Variants in ERBB4 observed in about 807,000 individuals in gnomAD.
ERBB4 encodes erb-b2 receptor tyrosine kinase 4, also known as receptor tyrosine-protein kinase erbB-4.
ERBB4 carries 42 observed loss-of-function variants against 158.0 expected under a neutral mutation model. That is an observed-to-expected ratio of 0.27 (90% CI 0.21 to 0.34). The LOEUF (loss-of-function observed/expected upper bound fraction) is 0.34, where lower values mean the gene tolerates loss of function less well. Among genes scored for constraint, ERBB4 ranks in the 10% least tolerant of loss-of-function variants. The pLI, the probability that ERBB4 is intolerant of heterozygous loss-of-function variation, is 1.00. For synonymous variants in ERBB4, 583 were observed against 558.7 expected (o/e 1.04, Z -0.61); for missense variants, 1,333 against 1,624.1 (o/e 0.82, Z 3.08).
At chr2:211,704,218 T>C (rs773034437) in intron 10 of ERBB4, 24 bp from the exon 11 acceptor site, 22 of 1,368,490 alleles carry the variant, frequency 1.6e-5, no homozygotes, top group Non-Finnish European at 2.2e-5. Flanking sequence ...GTAGAAAAAA[T>C]AAATCAGAAT....
chr2:211,864,081 AC>A (rs1234825837), intron 3 of ERBB4, among the ~76,000 whole-genome samples: 1 of 152,100 alleles, frequency 6.6e-6, no homozygotes, highest in Non-Finnish European at 1.5e-5. Context: ...AAGCCCCACT[AC>A]CATCTCTAGA....
intron 1 of ERBB4, among the ~76,000 whole-genome samples, chr2:212,301,576 TAA>T: frequency 6.6e-6 from 1 of 151,542 alleles, no homozygotes; most frequent in Admixed American, 6.6e-5. Context: ...CATATCTTGG[TAA>T]ACATGACAAA....
chr2:212,374,507 C>T (rs1036746240), intron 1 of ERBB4, among the ~76,000 whole-genome samples: 1 of 151,974 alleles, frequency 6.6e-6, no homozygotes, highest in African/African-American at 2.4e-5. Context: ...GTGTACACCA[C>T]ACATATGCCT....
intron 20 of ERBB4, among the ~76,000 whole-genome samples, chr2:211,510,659 ATC>A (rs997169660): frequency 1.3e-5 from 2 of 152,086 alleles, no homozygotes; most frequent in African/African-American, 2.4e-5. Flanking sequence ...TCAATTATAT[ATC>A]TCTCTCTGAA....
chr2:211,848,360 T>C (rs36103201), intron 3 of ERBB4, among the ~76,000 whole-genome samples: 33,209 of 151,940 alleles, frequency 0.22, 3,757 homozygotes, highest in South Asian at 0.33. Flanking sequence ...TATGGTGTGA[T>C]AAGACTTCTT....
chr2:211,507,347 C>T (rs536778846), intron 20 of ERBB4, among the ~76,000 whole-genome samples: 1 of 152,220 alleles, frequency 6.6e-6, no homozygotes, highest in Non-Finnish European at 1.5e-5. Context: ...GAATTCCTGC[C>T]TGACTCATTC....
intron 2 of ERBB4, among the ~76,000 whole-genome samples, chr2:212,104,261 C>A (rs910075337): frequency 6.6e-6 from 1 of 152,038 alleles, no homozygotes; most frequent in African/African-American, 2.4e-5. Context: ...TGTTTCTATT[C>A]ATCTTGGGAT....
intron 1 of ERBB4, among the ~76,000 whole-genome samples, chr2:212,302,446 GTATAACAGC>G (rs1197630829): frequency 4.0e-5 from 6 of 151,414 alleles, no homozygotes; most frequent in Admixed American, 1.3e-4. Context: ...CAATCTTGTG[GTATAACAGC>G]TATTCTTCCA....
At chr2:212,464,921 CACACA>C in intron 1 of ERBB4, among the ~76,000 whole-genome samples, 1 of 151,786 alleles carries the variant, frequency 6.6e-6, no homozygotes, top group Non-Finnish European at 1.5e-5. Context: ...CACACACACA[CACACA>C]CCCCTTAGAA....
chr2:212,450,347 T>C (rs2092426818), intron 1 of ERBB4, among the ~76,000 whole-genome samples: 1 of 152,162 alleles, frequency 6.6e-6, no homozygotes, highest in African/African-American at 2.4e-5. Flanking sequence ...GATGGGAAAT[T>C]GTCCTGGATT....
chr2:212,396,862 G>T (rs1464808208), intron 1 of ERBB4, among the ~76,000 whole-genome samples: 1 of 151,992 alleles, frequency 6.6e-6, no homozygotes, highest in African/African-American at 2.4e-5. Flanking sequence ...TTTCTTCAAA[G>T]TTTTCATCAT....
intron 19 of ERBB4, among the ~76,000 whole-genome samples, chr2:211,563,931 C>G (rs80134639): frequency 0.096 from 14,553 of 152,072 alleles, 887 homozygotes; most frequent in Non-Finnish European, 0.14. Context: ...TTGTATTACT[C>G]TTGAACATTT....
At chr2:212,354,870 CTTTGT>C (rs1174763609) in intron 1 of ERBB4, among the ~76,000 whole-genome samples, 1 of 151,384 alleles carries the variant, frequency 6.6e-6, no homozygotes, top group East Asian at 1.9e-4. Context: ...TTTTCTTTTC[CTTTGT>C]TTTATTTTCA....
chr2:211,508,640 G>A lies in ERBB4; in HGVS notation c.2487+53263C>T, dbSNP rs151146743. 8.0e-3 allele frequency among the ~76,000 whole-genome samples: 1,214 copies of A among 152,228 alleles called. 22 individuals carry two copies. The highest frequency in any genetic ancestry group is 0.028 in the African/African-American group (1,147 of 41,564). ...CCCATTACTGGGTATATACCCAAAG[G>A]ATGATAAATCATTCTACTATAAAGT... On this transcript the variant is annotated intron_variant, in intron 20 of 27. Transcript: ENST00000342788.
rs149660307 is a variant in ERBB4 at position 212,254,664 on chromosome 2, A to G, written c.83-129761T>C. Among the ~76,000 whole-genome samples, 402 of 152,318 alleles carry G rather than the reference A, an allele frequency of 2.6e-3. 1 individual carries two copies. The highest frequency in any genetic ancestry group is 9.3e-3 in the African/African-American group (388 of 41,578). Reference sequence around the variant, plus strand: ...TAGCAAAAGCATGGCATAGGAAAAAAGACAGCATGCCACTGATGGGAAAAC... The same window carrying G: ...TAGCAAAAGCATGGCATAGGAAAAAGGACAGCATGCCACTGATGGGAAAAC... On this transcript the variant is annotated intron_variant, in intron 1 of 27. Transcript: ENST00000342788.
chr2:212,436,482 T>C (rs1224989979), intron 1 of ERBB4, among the ~76,000 whole-genome samples: 1 of 152,032 alleles, frequency 6.6e-6, no homozygotes, highest in Non-Finnish European at 1.5e-5. Context: ...GCACTGATAT[T>C]TCCTCAAGAG....
chr2:212,184,939 C>T (rs1049688446), intron 1 of ERBB4, among the ~76,000 whole-genome samples: 2 of 151,950 alleles, frequency 1.3e-5, no homozygotes, highest in African/African-American at 4.8e-5. Context: ...GCACCTTCAC[C>T]CACGGTCCTC....
At chr2:211,897,532 T>C (rs1006630810) in intron 3 of ERBB4, among the ~76,000 whole-genome samples, 1 of 151,910 alleles carries the variant, frequency 6.6e-6, no homozygotes, top group Non-Finnish European at 1.5e-5. Context: ...ATTAGATTCA[T>C]ATACCCACTT....
intron 2 of ERBB4, among the ~76,000 whole-genome samples, chr2:212,102,606 G>T (rs1318487257): frequency 1.3e-5 from 2 of 152,106 alleles, no homozygotes; most frequent in Non-Finnish European, 2.9e-5. Flanking sequence ...TGTGCAAACA[G>T]ATATACTGTT....
Sources: allele counts gnomAD v4.1 joint callset (sites outside exome capture counted in the v4.1 genomes callset), GRCh38; gene constraint gnomAD v4.1.1; transcripts MANE v1.5; gene names NCBI Gene and HGNC (gene_info 2026-07-23, HGNC 2026-07-21).